OSBPL9: variants seen among roughly 807,000 people sequenced by gnomAD.
OSBPL9 encodes the protein oxysterol binding protein like 9, also known as oxysterol-binding protein-related protein 9.
In OSBPL9, 40 loss-of-function variants were observed where a neutral mutation model predicts 106.6. The ratio of observed to expected loss-of-function variants is 0.38; its 90% confidence interval spans 0.29 to 0.49. OSBPL9 has a LOEUF of 0.49. OSBPL9 is among the 20% of genes least tolerant of loss of function. OSBPL9 has a pLI of 0.97. For missense variants in OSBPL9, 609 were observed against 887.2 expected (o/e 0.69, Z 3.98); for synonymous variants, 269 against 295.4 (o/e 0.91, Z 0.92).
At chr1:51,631,908 A>G (rs6695853) in intron 1 of OSBPL9, among the ~76,000 whole-genome samples, 36,258 of 152,044 alleles carry the variant, frequency 0.24, 5,955 homozygotes, top group African/African-American at 0.46. Context: ...AAGATACAAA[A>G]ACATTAGCAG....
intron 10 of OSBPL9, 135 bp from the exon 11 acceptor site, chr1:51,761,732 G>A: frequency 1.6e-6 from 1 of 636,244 alleles, no homozygotes; most frequent in Admixed American, 2.3e-5. Flanking sequence ...GGAAGGAGTA[G>A]CATGGAACTA....
intron 7 of OSBPL9, chr1:51,749,417 A>G (rs1013007250): frequency 7.3e-6 from 2 of 272,134 alleles, no homozygotes; most frequent in South Asian, 3.4e-5. Flanking sequence ...GGCTCAGACA[A>G]TCCTCCTGCT....
chr1:51,756,683 T>G (rs935299131), intron 9 of OSBPL9: 1 of 240,264 alleles, frequency 4.2e-6, no homozygotes, highest in African/African-American at 2.2e-5. Flanking sequence ...TAATTTCTAT[T>G]TTTCTCAGAT....
At chr1:51,630,683 C>T (rs986757970) in intron 1 of OSBPL9, among the ~76,000 whole-genome samples, 1 of 152,036 alleles carries the variant, frequency 6.6e-6, no homozygotes, top group Non-Finnish European at 1.5e-5. Flanking sequence ...TTAGGTAACG[C>T]TAAACTTACA....
At chr1:51,545,101 C>G in the OSBPL9 span, among the ~76,000 whole-genome samples, 1 of 152,020 alleles carries the variant, frequency 6.6e-6, no homozygotes. Flanking sequence ...GCCTTGGCCT[C>G]CCAATGTGCT....
chr1:51,780,365 G>T lies in OSBPL9; in HGVS notation c.1257-799G>T, dbSNP rs576855019. 2.6e-5 allele frequency among the ~76,000 whole-genome samples: 4 copies of T among 152,264 alleles called. No homozygotes were observed. The South Asian group carries it at 6.2e-4, about 24-fold the overall frequency. Reference sequence around the variant, plus strand: ...CATTTGATTCAGCAGTCCCACTCCTGGGTATTTACTCAGAGGAAAAGAAGT... The same window carrying T: ...CATTTGATTCAGCAGTCCCACTCCTTGGTATTTACTCAGAGGAAAAGAAGT... On this transcript the variant is annotated intron_variant, in intron 15 of 23. Coordinates refer to ENST00000428468, the MANE Select transcript of OSBPL9 (RefSeq NM_024586.6).
At chr1:51,629,840 T>G (rs780699365) in intron 1 of OSBPL9, among the ~76,000 whole-genome samples, 1 of 151,936 alleles carries the variant, frequency 6.6e-6, no homozygotes, top group Non-Finnish European at 1.5e-5. Flanking sequence ...TCCCAGCTAC[T>G]TGGGAGGCTG....
intron 2 of OSBPL9, among the ~76,000 whole-genome samples, chr1:51,605,382 G>C (rs892084008): frequency 3.3e-5 from 5 of 152,186 alleles, no homozygotes; most frequent in African/African-American, 1.2e-4. Context: ...CTTGAGTCCA[G>C]GAATTTGAGA....
chr1:51,699,273 C>T (rs1179036884), intron 3 of OSBPL9, among the ~76,000 whole-genome samples: 2 of 151,890 alleles, frequency 1.3e-5, no homozygotes, highest in Non-Finnish European at 2.9e-5. Flanking sequence ...TACTAATTTG[C>T]CCTCGTTTGC....
At chr1:51,631,770 C>T (rs1645120860) in intron 1 of OSBPL9, among the ~76,000 whole-genome samples, 1 of 152,174 alleles carries the variant, frequency 6.6e-6, no homozygotes, top group Non-Finnish European at 1.5e-5. Context: ...CCAAAGTTAG[C>T]TTGGCTTAAG....
intron 3 of OSBPL9, among the ~76,000 whole-genome samples, chr1:51,680,336 C>G (rs546663101): frequency 2.1e-4 from 32 of 152,078 alleles, no homozygotes; most frequent in Middle Eastern, 6.8e-3. Flanking sequence ...GATCCTTTCC[C>G]CATGACACTG....
At chr1:51,572,476 C>T (rs1282934399), upstream of OSBPL9, among the ~76,000 whole-genome samples, 1 of 152,150 alleles carries the variant, frequency 6.6e-6, no homozygotes, top group African/African-American at 2.4e-5. Context: ...CTGCTCCTCT[C>T]TCCGTCACAC....
chr1:51,665,114 A>G (rs1339736192), intron 2 of OSBPL9, among the ~76,000 whole-genome samples: 1 of 152,200 alleles, frequency 6.6e-6, no homozygotes, highest in Non-Finnish European at 1.5e-5. Flanking sequence ...CATTTGAAGT[A>G]TGACTAGTGT....
chr1:51,599,213 T>A (rs1189316536), intron 2 of OSBPL9, among the ~76,000 whole-genome samples: 1 of 152,132 alleles, frequency 6.6e-6, no homozygotes, highest in African/African-American at 2.4e-5. Context: ...ACCTCATCTC[T>A]AAAACAAAAA....
chr1:51,749,445 T>C, intron 7 of OSBPL9: 1 of 337,192 alleles, frequency 3.0e-6, no homozygotes, highest in Non-Finnish European at 6.3e-6. Context: ...TTTGAGTAGC[T>C]AGGGCTATAG....
chr1:51,641,591 C>T (rs1298808154), intron 1 of OSBPL9, among the ~76,000 whole-genome samples: 1 of 152,076 alleles, frequency 6.6e-6, no homozygotes, highest in Non-Finnish European at 1.5e-5. Flanking sequence ...AAAATTGTTT[C>T]TGATTTTATT....
intron 3 of OSBPL9, among the ~76,000 whole-genome samples, chr1:51,695,118 TG>T (rs1170895697): frequency 6.6e-6 from 1 of 152,218 alleles, no homozygotes; most frequent in Admixed American, 6.5e-5. Flanking sequence ...GCTTCCCATT[TG>T]TCACAGAGAC....
intron 1 of OSBPL9, among the ~76,000 whole-genome samples, chr1:51,647,094 C>T (rs1253702969): frequency 3.3e-5 from 5 of 152,080 alleles, no homozygotes; most frequent in African/African-American, 9.7e-5. Flanking sequence ...AAGAAGTTCC[C>T]TTCTGTTTCT....
intron 1 of OSBPL9, among the ~76,000 whole-genome samples, chr1:51,593,906 A>C (rs909368456): frequency 8.2e-6 from 1 of 122,618 alleles, no homozygotes; most frequent in Non-Finnish European, 1.8e-5. Context: ...ATCAGATTTC[A>C]CACACACACA....
Sources: gnomAD v4.1 joint callset for allele counts (sites outside exome capture counted in the v4.1 genomes callset) on GRCh38, gnomAD v4.1.1 for gene constraint, MANE v1.5 for transcripts, NCBI Gene and HGNC (gene_info 2026-07-23, HGNC 2026-07-21) for gene names.